The following PI4K2B variants were observed in gnomAD, a reference collection of about 807,000 sequenced individuals.
PI4K2B encodes the protein phosphatidylinositol 4-kinase type 2-beta.
PI4K2B carries 46 observed loss-of-function variants against 56.6 expected under a neutral mutation model. The ratio of observed to expected loss-of-function variants is 0.81; its 90% CI spans 0.64 to 1.04. PI4K2B has a LOEUF of 1.04. Among genes scored for constraint, PI4K2B ranks in the 50% least tolerant of loss-of-function variants. PI4K2B has a pLI of 0.00. For synonymous variants in PI4K2B, 211 were observed against 223.8 expected, an observed-to-expected ratio of 0.94 and a Z score of 0.51; for missense variants, 556 against 607.7, an observed-to-expected ratio of 0.91 and a Z score of 0.89.
At chr4:25,250,064 C>T (rs546726925) in intron 1 of PI4K2B, among the ~76,000 whole-genome samples, 43 of 152,276 alleles carry the variant, frequency 2.8e-4, no homozygotes, top group East Asian at 1.6e-3. Flanking sequence ...CCAAAAAATA[C>T]GAAAACCAGT....
chr4:25,244,238 G>C (rs866211553), intron 1 of PI4K2B, among the ~76,000 whole-genome samples: 1 of 152,168 alleles, frequency 6.6e-6, no homozygotes, highest in Non-Finnish European at 1.5e-5. Flanking sequence ...TAGCCCGGGG[G>C]TTTGTGGTCC....
intron 8 of PI4K2B, 32 bp downstream of exon 8, chr4:25,268,608 A>G: frequency 6.9e-7 from 1 of 1,448,236 alleles, no homozygotes; most frequent in South Asian, 1.3e-5. Context: ...TTATTGCAGA[A>G]AATGAAATCT....
In PI4K2B at chr4:25,276,997, C is replaced by A; in HGVS notation, c.1273-17C>A. 2 of 1,510,518 alleles carry A rather than the reference C, an allele frequency of 1.3e-6. No individual in the cohort carries two copies. Among genetic ancestry groups the A allele is most frequent in the South Asian group, 1.3e-5 (1 of 75,318 alleles). 93.6% of individuals were successfully genotyped at this position (1,510,518 alleles called of 1,614,324 possible). A position where few individuals can be genotyped will look rare whatever the true frequency, so the allele number is the denominator to read the frequency against. On this transcript the variant is annotated splice_polypyrimidine_tract_variant and intron_variant, in intron 9 of 9. Coordinates refer to ENST00000264864, the MANE Select transcript of PI4K2B (RefSeq NM_018323.4). ...TTTATCTTTTTAAATTGGTAAAAAT[C>A]TCTCTTCTTCCCACAGATCTTAAAC...
chr4:25,273,542 A>G (rs1716985350), intron 9 of PI4K2B, among the ~76,000 whole-genome samples: 1 of 152,176 alleles, frequency 6.6e-6, no homozygotes, highest in African/African-American at 2.4e-5. Context: ...AGAGTAGTCT[A>G]CGTTTTAGGT....
intron 5 of PI4K2B, among the ~76,000 whole-genome samples, chr4:25,259,796 C>T (rs1012876399): frequency 1.3e-5 from 2 of 152,178 alleles, no homozygotes; most frequent in African/African-American, 4.8e-5. Context: ...GGGCAGCATG[C>T]GGCCTGCAGG....
intron 7 of PI4K2B, among the ~76,000 whole-genome samples, chr4:25,267,445 C>T (rs1356159204): frequency 6.6e-6 from 1 of 152,214 alleles, no homozygotes. Context: ...GTCCTAGCTA[C>T]TTGGGAGGCT....
At chr4:25,256,712 G>C in intron 4 of PI4K2B, 38 bp downstream of exon 4, 1 of 1,593,040 alleles carries the variant, frequency 6.3e-7, no homozygotes, top group Non-Finnish European at 8.6e-7. Context: ...GAGGGCATTT[G>C]GGCACATACA....
intron 9 of PI4K2B, among the ~76,000 whole-genome samples, chr4:25,269,649 AAAAG>A (rs1716800739): frequency 6.6e-6 from 1 of 151,994 alleles, no homozygotes; most frequent in Admixed American, 6.6e-5. Context: ...CAAAAAAAAA[AAAAG>A]AAATGAAGTT....
chr4:25,245,677 C>T (rs1280900735), intron 1 of PI4K2B, among the ~76,000 whole-genome samples: 1 of 152,132 alleles, frequency 6.6e-6, no homozygotes, highest in East Asian at 1.9e-4. Flanking sequence ...GTATTTAGCC[C>T]CCGTTCTAAG....
chr4:25,246,616 T>C (rs1182071548), intron 1 of PI4K2B, among the ~76,000 whole-genome samples: 1 of 152,226 alleles, frequency 6.6e-6, no homozygotes, highest in Non-Finnish European at 1.5e-5. Context: ...TCCCACGCCT[T>C]GTGCCCACAC....
chr4:25,236,477 C>T (rs13136449), intron 1 of PI4K2B, among the ~76,000 whole-genome samples: 3 of 150,674 alleles, frequency 2.0e-5, no homozygotes, highest in Non-Finnish European at 3.0e-5. Context: ...CTTCTGAACC[C>T]GAGAGGTGTA....
At chr4:25,249,454 CCGGA>C (rs1715946091) in intron 1 of PI4K2B, among the ~76,000 whole-genome samples, 1 of 146,196 alleles carries the variant, frequency 6.8e-6, no homozygotes, top group Non-Finnish European at 1.5e-5. Context: ...CCCCCGCCTC[CCGGA>C]TGGGGCGGCT....
chr4:25,268,454 T>C lies in PI4K2B; in HGVS notation c.1090T>C (p.Trp364Arg). 6.2e-7 allele frequency: 1 copy of C among 1,605,966 alleles called. No individual in the cohort carries two copies. Among genetic ancestry groups the C allele is most frequent in the Non-Finnish European group, 8.5e-7 (1 of 1,176,622 alleles). Residue 364 changes from tryptophan to arginine, a missense_variant, in exon 8 of 10, where the codon TGG (tryptophan) becomes CGG (arginine). Transcript: ENST00000264864. ...PDEWRAYPFH[W>R]AWLPQAKVPF... is the part of the protein sequence containing the mutation. ...CTTTTTTCTATTAGATCCATTTCAC[T>C]GGGCTTGGCTTCCTCAAGCAAAAGT...
chr4:25,265,198 C>CAAAAAAAAAA (rs71188933), intron 7 of PI4K2B, among the ~76,000 whole-genome samples: 727 of 65,340 alleles, frequency 0.011, 59 homozygotes, highest in African/African-American at 0.033. Flanking sequence ...TCTGTCTCAC[C>CAAAAAAAAAA]AAAAAAAAAA....
chr4:25,251,497 G>A (rs988456847), intron 1 of PI4K2B, among the ~76,000 whole-genome samples: 6 of 152,090 alleles, frequency 3.9e-5, no homozygotes, highest in Non-Finnish European at 8.8e-5. Flanking sequence ...ATTTAAGCTG[G>A]CCAAGGAGGA....
At chr4:25,238,722 C>T (rs551932194) in intron 1 of PI4K2B, among the ~76,000 whole-genome samples, 8 of 152,198 alleles carry the variant, frequency 5.3e-5, no homozygotes, top group African/African-American at 1.4e-4. Context: ...AAGCTGCAGA[C>T]CTTTGCGGTG....
chr4:25,234,210 G>A lies in PI4K2B; in HGVS notation c.47G>A (p.Gly16Glu). The change falls in exon 1 of 10, where the codon GGG becomes GAG. Residue 16 changes from glycine (G) to glutamate (E), a missense_variant. By Grantham distance (98) the Gly-to-Glu change is moderately conservative. Coordinates refer to ENST00000264864, the MANE Select transcript of PI4K2B (RefSeq NM_018323.4). ...GACCGGTTGGCGTCCGCGGACGGCG[G>A]GAGCCCGGAGGAGGAGGAGGATGGG... ...EPDRLASADGGSPEEEEDGER... is the reference protein window; with the variant it reads ...EPDRLASADGESPEEEEDGER... 1.4e-6 allele frequency: 2 copies of A among 1,409,672 alleles called. No individual in the cohort carries two copies. The highest frequency in any genetic ancestry group is 9.2e-7 in the Non-Finnish European group (1 of 1,081,308). The allele number at this position is 1,409,672 out of a possible 1,614,324, so 87.3% of individuals were successfully genotyped here.
intron 7 of PI4K2B, among the ~76,000 whole-genome samples, chr4:25,264,852 C>A (rs188926431): frequency 6.3e-4 from 95 of 151,906 alleles, no homozygotes; most frequent in African/African-American, 2.1e-3. Flanking sequence ...GCCTGGGTGA[C>A]AAGAGTGTAA....
At chr4:25,249,984 G>A (rs891352584) in intron 1 of PI4K2B, among the ~76,000 whole-genome samples, 2 of 152,222 alleles carry the variant, frequency 1.3e-5, no homozygotes. Flanking sequence ...TCGGGAGGCC[G>A]AGGCTGGCAG....
Sources: gnomAD v4.1 joint callset for allele counts (sites outside exome capture counted in the v4.1 genomes callset) on GRCh38, gnomAD v4.1.1 for gene constraint, MANE v1.5 for transcripts, NCBI Gene and HGNC (gene_info 2026-07-23, HGNC 2026-07-21) for gene names.